CLYBL: variants seen among roughly 807,000 people sequenced by gnomAD.
CLYBL encodes citramalyl-CoA lyase, mitochondrial.
In CLYBL, 31 loss-of-function variants were observed where a neutral mutation model predicts 38.9. The observed-to-expected ratio is 0.80, with a 90% confidence interval of 0.60 to 1.08. The LOEUF is 1.08. Among genes scored for constraint, CLYBL ranks in the 50% least tolerant of loss-of-function variants. The pLI, the probability that CLYBL is intolerant of heterozygous loss-of-function variation, is 0.00. For synonymous variants in CLYBL, 171 were observed against 158.6 expected, an observed-to-expected ratio of 1.08 and a Z score of -0.59; for missense variants, 434 against 411.6, an observed-to-expected ratio of 1.05 and a Z score of -0.47.
At chr13:99,617,289 CT>C (rs71699921) in intron 1 of CLYBL, among the ~76,000 whole-genome samples, 16 of 150,174 alleles carry the variant, frequency 1.1e-4, no homozygotes, top group Admixed American at 6.6e-4. Context: ...AAAATTGGCA[CT>C]TTTTTTTTTC....
At chr13:99,819,810 A>G (rs2050551262) in intron 2 of CLYBL, among the ~76,000 whole-genome samples, 1 of 152,060 alleles carries the variant, frequency 6.6e-6, no homozygotes. Flanking sequence ...AACAGATTGG[A>G]TGATGCCTGC....
At chr13:99,857,430 T>C (rs909112709) in intron 2 of CLYBL, among the ~76,000 whole-genome samples, 1 of 152,204 alleles carries the variant, frequency 6.6e-6, no homozygotes, top group Non-Finnish European at 1.5e-5. Context: ...AACCAAGCCA[T>C]TGCTGGCTGC....
At chr13:99,711,554 G>T (rs1566297624) in intron 1 of CLYBL, among the ~76,000 whole-genome samples, 1 of 148,254 alleles carries the variant, frequency 6.7e-6, no homozygotes, top group African/African-American at 2.5e-5. Context: ...TTACAGGCAT[G>T]CACCACCACG....
intron 8 of CLYBL, among the ~76,000 whole-genome samples, chr13:99,903,121 G>A (rs2052659162): frequency 6.6e-6 from 1 of 152,162 alleles, no homozygotes; most frequent in African/African-American, 2.4e-5. Context: ...CTTAGTGCAG[G>A]AGCCTCGATT....
downstream of CLYBL, among the ~76,000 whole-genome samples, chr13:99,900,846 C>G (rs1161633806): frequency 6.6e-6 from 1 of 152,184 alleles, no homozygotes; most frequent in Non-Finnish European, 1.5e-5. Context: ...CAGTGCCTGA[C>G]CCCAGCAAAG....
At chr13:99,879,460 C>T (rs1161706750) in intron 7 of CLYBL, among the ~76,000 whole-genome samples, 1 of 152,212 alleles carries the variant, frequency 6.6e-6, no homozygotes, top group African/African-American at 2.4e-5. Context: ...TCAGTACCTC[C>T]TCCTCCGTGT....
At chr13:99,832,997 TAC>T (rs1566345614) in intron 2 of CLYBL, among the ~76,000 whole-genome samples, 11 of 56,066 alleles carry the variant, frequency 2.0e-4, no homozygotes, top group Non-Finnish European at 3.4e-4. Flanking sequence ...AGTATATACA[TAC>T]ATACATACAT....
intron 1 of CLYBL, among the ~76,000 whole-genome samples, chr13:99,710,881 CTT>C (rs748011707): frequency 0.12 from 9,790 of 83,182 alleles, 278 homozygotes; most frequent in East Asian, 0.4. Context: ...TTTCTAACCC[CTT>C]TTTTTTTTTT....
At chr13:99,718,108 G>A (rs1306918444) in intron 1 of CLYBL, among the ~76,000 whole-genome samples, 1 of 151,914 alleles carries the variant, frequency 6.6e-6, no homozygotes, top group Non-Finnish European at 1.5e-5. Flanking sequence ...ATAACTCCTG[G>A]GCTCAAGTGA....
At chr13:99,842,174 G>A (rs1044737901) in intron 2 of CLYBL, among the ~76,000 whole-genome samples, 5 of 152,174 alleles carry the variant, frequency 3.3e-5, no homozygotes, top group African/African-American at 1.2e-4. Flanking sequence ...TCGTGTAGAA[G>A]TGTGATTGGA....
chr13:99,659,563 T>C (rs2032607179), intron 1 of CLYBL, among the ~76,000 whole-genome samples: 1 of 152,212 alleles, frequency 6.6e-6, no homozygotes, highest in African/African-American at 2.4e-5. Flanking sequence ...TCCTGTTTTC[T>C]ATTGTTTGCT....
At chr13:99,664,259 G>T (rs74912858) in intron 1 of CLYBL, among the ~76,000 whole-genome samples, 1,961 of 152,250 alleles carry the variant, frequency 0.013, 39 homozygotes, top group African/African-American at 0.045. Flanking sequence ...GAAAATAAAG[G>T]TTACAAAAAA....
intron 1 of CLYBL, among the ~76,000 whole-genome samples, chr13:99,741,568 G>A (rs961286530): frequency 3.6e-4 from 54 of 151,916 alleles, no homozygotes; most frequent in African/African-American, 1.3e-3. Context: ...GGTGGGGGTC[G>A]GGGGACGGAG....
intron 1 of CLYBL, among the ~76,000 whole-genome samples, chr13:99,675,346 G>T (rs2047628720): frequency 1.0e-5 from 1 of 99,500 alleles, no homozygotes; most frequent in African/African-American, 3.3e-5. Flanking sequence ...GTCTATATCA[G>T]CTTTATTGAG....
At chr13:99,729,630 C>T (rs996359049) in intron 1 of CLYBL, among the ~76,000 whole-genome samples, 4 of 152,146 alleles carry the variant, frequency 2.6e-5, no homozygotes, top group South Asian at 2.1e-4. Flanking sequence ...AGCCAGCCAT[C>T]GGCCTGTTGA....
At chr13:99,715,060 C>T (rs2048291648) in intron 1 of CLYBL, among the ~76,000 whole-genome samples, 1 of 152,210 alleles carries the variant, frequency 6.6e-6, no homozygotes, top group Admixed American at 6.5e-5. Flanking sequence ...GGCCCACCAG[C>T]TTCACCAGAG....
intron 2 of CLYBL, among the ~76,000 whole-genome samples, chr13:99,815,172 A>G (rs1315327119): frequency 4.6e-5 from 7 of 152,212 alleles, no homozygotes; most frequent in Non-Finnish European, 7.3e-5. Context: ...CCGTGGAACA[A>G]TTCTGGGGAG....
intron 1 of CLYBL, among the ~76,000 whole-genome samples, chr13:99,618,063 C>G (rs1367741931): frequency 6.6e-6 from 1 of 152,172 alleles, no homozygotes; most frequent in African/African-American, 2.4e-5. Context: ...GTATCCTACC[C>G]CAGCCCCCAG....
intron 2 of CLYBL, among the ~76,000 whole-genome samples, chr13:99,846,028 A>C (rs2051196436): frequency 6.6e-6 from 1 of 151,826 alleles, no homozygotes; most frequent in Admixed American, 6.6e-5. Context: ...ATAATTAGGA[A>C]GCAAAACAAC....
Sources: gnomAD v4.1 joint callset for allele counts (sites outside exome capture counted in the v4.1 genomes callset) on GRCh38, gnomAD v4.1.1 for gene constraint, MANE v1.5 for transcripts, NCBI Gene and HGNC (gene_info 2026-07-23, HGNC 2026-07-21) for gene names.